The following NPTX1 variants were observed in gnomAD, a reference collection of about 807,000 sequenced individuals.
The protein encoded by NPTX1 is neuronal pentraxin-1.
Under a neutral mutation model 38.7 loss-of-function variants are expected in NPTX1, and 12 were observed. The observed-to-expected ratio is 0.31, with a 90% CI of 0.20 to 0.50. The LOEUF (loss-of-function observed/expected upper bound fraction) is 0.50. Ranked by LOEUF, NPTX1 falls within the 20% of genes least tolerant of loss-of-function variation. The probability of loss-of-function intolerance (pLI) is 0.98; values close to 1 mark genes in which losing one functional copy is unlikely to be tolerated. For synonymous variants in NPTX1, 272 were observed against 264.9 expected (o/e 1.03, Z -0.26); for missense variants, 454 against 592.2 (o/e 0.77, Z 2.42).
Position 80,475,623 on chromosome 17 carries a change from C to G in NPTX1, c.540G>C (p.Arg180=). ...IDELERQVLS[R]VNTLEEGKGG... ...CCTTGCCCTCCTCCAGGGTGTTCAC[C>G]CGGGACAGCACCTGCCTCTCCAGCT... is the stretch of plus-strand genomic sequence containing the variant. The change falls in exon 2 of 5, where the codon CGG becomes CGC. Residue 180 remains arginine (R), a synonymous_variant. Transcript: ENST00000306773. The surrounding 1 kb of genome is among the most constrained non-coding windows in gnomAD (Gnocchi z 6.5). The G allele has an allele frequency of 1.2e-6, 2 of 1,612,864 alleles. No individual in the cohort carries two copies. The highest frequency in any genetic ancestry group is 1.7e-6 in the Non-Finnish European group (2 of 1,179,836).
chr17:80,476,401 A>C lies in NPTX1; in HGVS notation c.46T>G (p.Cys16Gly). ...TCCTGGGCCCCGGCGCCCAGGAGGC[A>C]GAGGGCGAGCAGCGCACAGGTGCGC... ...AARTCALLAL[C>G]LLGAGAQDFG... The change falls in exon 1 of 5, where the codon TGC becomes GGC. Residue 16 changes from cysteine (C) to glycine (G), a missense_variant. Transcript: ENST00000306773. The surrounding 1 kb of genome is among the most constrained non-coding windows in gnomAD (Gnocchi z 6.3). 1 of 1,511,510 alleles carries C rather than the reference A, an allele frequency of 6.6e-7. No homozygotes were observed. The highest frequency in any genetic ancestry group is 8.8e-7 in the Non-Finnish European group (1 of 1,137,886). The allele number at this position is 1,511,510 out of a possible 1,614,324, so 93.6% of individuals were successfully genotyped here.
rs2083830738 is a variant in NPTX1 at position 80,470,100 on chromosome 17, G to C, written c.*713C>G. The C allele has an allele frequency of 6.6e-6, 1 of 152,258 alleles. No homozygotes were observed. The highest frequency in any genetic ancestry group is 1.5e-5 in the Non-Finnish European group (1 of 68,074). The allele number at this position is 152,258 out of a possible 1,614,324, so 9.4% of individuals were successfully genotyped here. A position where few individuals can be genotyped will look rare whatever the true frequency, so the allele number is the denominator to read the frequency against. ...CAGGGATGGATGCTGTCTGGCCCTG[G>C]GGTAAGGGCCAGTGTCCTCAGCCAT... On this transcript the variant is annotated 3_prime_UTR_variant, in exon 5 of 5. Coordinates refer to ENST00000306773, the MANE Select transcript of NPTX1 (RefSeq NM_002522.4).
Position 80,476,158 on chromosome 17 carries a change from G to T in NPTX1, c.289C>A (p.Pro97Thr), listed in dbSNP as rs780891833. Residue 97 changes from proline to threonine, a missense_variant, in exon 1 of 5, where the codon CCC becomes ACC. By Grantham distance (38) the Pro-to-Thr change is conservative (BLOSUM62 -1). Coordinates refer to ENST00000306773, the MANE Select transcript of NPTX1 (RefSeq NM_002522.4). This position sits in a 1 kb window ranked among gnomAD's most constrained non-coding sequence, Gnocchi z 6.3. Reference protein sequence around the residue: ...GRCESQSTLDPGAGEARAGGG... With the variant: ...GRCESQSTLDTGAGEARAGGG... ...CCCGCCCGGGCCTCGCCGGCTCCGG[G>T]GTCCAGCGTGCTCTGGCTCTCGCAG... The T allele has an allele frequency of 1.3e-6, 2 of 1,591,844 alleles. No individual in the cohort carries two copies. The highest frequency in any genetic ancestry group is 8.5e-7 in the Non-Finnish European group (1 of 1,174,360).
chr17:80,474,223 G>T, intron 2 of NPTX1: 1 of 152,468 alleles, frequency 6.6e-6, no homozygotes. Flanking sequence ...TTTCCACAAG[G>T]CCCACCTTCT....
chr17:80,473,562 T>C, intron 2 of NPTX1, 118 bp from the exon 3 acceptor site: 1 of 1,040,514 alleles, frequency 9.6e-7, no homozygotes, highest in Non-Finnish European at 1.4e-6. Context: ...CGGTCTCCAT[T>C]CTGGAGACGC....
Position 80,475,867 on chromosome 17 carries a change from G to T in NPTX1, c.444+136C>A. On this transcript the variant is annotated intron_variant, in intron 1 of 4. Coordinates refer to ENST00000306773, the MANE Select transcript of NPTX1 (RefSeq NM_002522.4). The surrounding 1 kb of genome is among the most constrained non-coding windows in gnomAD (Gnocchi z 6.5). Reference sequence around the variant, plus strand: ...GTGGCCGCCGCGGGGCCTCGCAGGCGCGGGGAGGCACCGGCCGGGCACCCG... The same window carrying T: ...GTGGCCGCCGCGGGGCCTCGCAGGCTCGGGGAGGCACCGGCCGGGCACCCG... 1 of 844,702 alleles carries T rather than the reference G, an allele frequency of 1.2e-6. No individual in the cohort carries two copies. Among genetic ancestry groups the T allele is most frequent in the Non-Finnish European group, 1.7e-6 (1 of 598,582 alleles). 52.3% of individuals were successfully genotyped at this position (844,702 alleles called of 1,614,324 possible). A position where few individuals can be genotyped will look rare whatever the true frequency, so the allele number is the denominator to read the frequency against.
Position 80,475,380 on chromosome 17 carries a change from T to C in NPTX1, c.652+131A>G. ...AGGGGTGCGGGGAATGAGAAAGCGG[T>C]GCAGGGGTTGGGGGTAGCGGAGCGG... On this transcript the variant is annotated intron_variant, in intron 2 of 4. Coordinates refer to ENST00000306773, the MANE Select transcript of NPTX1 (RefSeq NM_002522.4). The surrounding 1 kb of genome is among the most constrained non-coding windows in gnomAD (Gnocchi z 6.5). 3.0e-6 allele frequency: 2 copies of C among 666,910 alleles called. No individual in the cohort carries two copies. Among genetic ancestry groups the C allele is most frequent in the Non-Finnish European group, 2.5e-6 (1 of 397,448 alleles). The allele number at this position is 666,910 out of a possible 1,614,324, so 41.3% of individuals were successfully genotyped here. A position where few individuals can be genotyped will look rare whatever the true frequency, so the allele number is the denominator to read the frequency against.
intron 2 of NPTX1, chr17:80,473,707 G>A: frequency 6.0e-6 from 3 of 504,104 alleles, no homozygotes; most frequent in East Asian, 3.7e-5. Context: ...GGGGAGATGG[G>A]GGTGGGGGGC....
Position 80,471,933 on chromosome 17 carries a change from G to A in NPTX1, c.898-22C>T, listed in dbSNP as rs764371772. On this transcript the variant is annotated intron_variant, in intron 3 of 4. Transcript: ENST00000306773. ...CCACCTGGGAAGGAGAATGACAGAC[G>A]CCAGCTGGTGAGTACAGGGGTACAG... 9 of 1,596,458 alleles carry A rather than the reference G, an allele frequency of 5.6e-6. No individual in the cohort carries two copies. The East Asian group carries it at 6.8e-5, about 12-fold the overall frequency.
chr17:80,476,096 G>A lies in NPTX1; in HGVS notation c.351C>T (p.Thr117=), dbSNP rs912315949. The change falls in exon 1 of 5, where the codon ACC becomes ACT. Residue 117 remains threonine (T), a synonymous_variant. Coordinates refer to ENST00000306773, the MANE Select transcript of NPTX1 (RefSeq NM_002522.4). The surrounding 1 kb of genome is among the most constrained non-coding windows in gnomAD (Gnocchi z 6.3). ...GRKQPGSGKN[T]MGDLSRTPAA... is the part of the protein sequence containing the mutation. ...CCGGTGTCCGGGACAGGTCGCCCAT[G>A]GTGTTCTTGCCCGAGCCGGGCTGCT... 5 of 1,605,852 alleles carry A rather than the reference G, an allele frequency of 3.1e-6. No individual in the cohort carries two copies. Among genetic ancestry groups the A allele is most frequent in the Non-Finnish European group, 4.2e-6 (5 of 1,178,134 alleles).
rs1458834618 is a variant in NPTX1 at position 80,475,892 on chromosome 17, G to A, written c.444+111C>T. The A allele has an allele frequency of 2.1e-6, 2 of 960,314 alleles. No homozygotes were observed. Among genetic ancestry groups the A allele is most frequent in the African/African-American group, 3.5e-5 (2 of 57,286 alleles). 59.5% of individuals were successfully genotyped at this position (960,314 alleles called of 1,614,324 possible). On this transcript the variant is annotated intron_variant, in intron 1 of 4. Transcript: ENST00000306773. This position sits in a 1 kb window ranked among gnomAD's most constrained non-coding sequence, Gnocchi z 6.5. ...GCGGGGAGGCACCGGCCGGGCACCC[G>A]CGCGGCTGAGGCGAGGGCGGGGGAT...
At chr17:80,471,686 T>A (rs781547709) in intron 4 of NPTX1, 46 bp downstream of exon 4, 1 of 1,573,578 alleles carries the variant, frequency 6.4e-7, no homozygotes, top group Non-Finnish European at 8.6e-7. Context: ...TCCCAGCCTC[T>A]GGTTCTGAAG....
intron 3 of NPTX1, 47 bp downstream of exon 3, chr17:80,473,153 C>T (rs1166960949): frequency 2.5e-6 from 4 of 1,592,078 alleles, no homozygotes; most frequent in South Asian, 1.1e-5. Flanking sequence ...TGAGCTGGGG[C>T]CCTGGGGCCT....
chr17:80,476,546 T>A lies in NPTX1; in HGVS notation c.-100A>T, dbSNP rs1194279983. The stretch of plus-strand genomic sequence containing the variant: ...CTGTGGCTCCGCGAGCGGCCCGCGC[T>A]CTGGGCGCCGCGCTCTTCGGCCGCG... On this transcript the variant is annotated 5_prime_UTR_variant, in exon 1 of 5. Transcript: ENST00000306773. This position sits in a 1 kb window ranked among gnomAD's most constrained non-coding sequence, Gnocchi z 6.3. The A allele has an allele frequency of 3.4e-6, 2 of 589,424 alleles. No individual in the cohort carries two copies. The highest frequency in any genetic ancestry group is 4.3e-6 in the Non-Finnish European group (2 of 465,944). 36.5% of individuals were successfully genotyped at this position (589,424 alleles called of 1,614,324 possible).
In NPTX1 at chr17:80,469,215, A is replaced by G. The variant is rs568073856; in HGVS notation, c.*1598T>C. 6.6e-6 allele frequency: 1 copy of G among 152,646 alleles called. No homozygotes were observed. Among genetic ancestry groups the G allele is most frequent in the Non-Finnish European group, 1.5e-5 (1 of 68,032 alleles). 9.5% of individuals were successfully genotyped at this position (152,646 alleles called of 1,614,324 possible). On this transcript the variant is annotated 3_prime_UTR_variant, in exon 5 of 5. Coordinates refer to ENST00000306773, the MANE Select transcript of NPTX1 (RefSeq NM_002522.4). ...CAGCTGCAGCTGAGCCAGGCAGTGC[A>G]GTAGAATTTCTAGAAAGACTTGTCA...
intron 2 of NPTX1, chr17:80,474,094 C>A (rs568035664): frequency 1.3e-5 from 2 of 153,398 alleles, no homozygotes; most frequent in African/African-American, 4.8e-5. Flanking sequence ...GGCAGGGCAG[C>A]AAGGAGCTGG....
In NPTX1 at chr17:80,473,120, T is replaced by C. The variant is rs2083851744; in HGVS notation, c.897+80A>G. 12 of 1,483,858 alleles carry C rather than the reference T, an allele frequency of 8.1e-6. No individual in the cohort carries two copies. The South Asian group carries it at 1.4e-4, about 17-fold the overall frequency. 91.9% of individuals were successfully genotyped at this position (1,483,858 alleles called of 1,614,324 possible). A position where few individuals can be genotyped will look rare whatever the true frequency, so the allele number is the denominator to read the frequency against. ...GCCCCATCAACATCTGAGGCCACCATAGCCCTGTCTCCGCATGCAACATGA... is the reference window on the plus strand; with the variant it reads ...GCCCCATCAACATCTGAGGCCACCACAGCCCTGTCTCCGCATGCAACATGA... On this transcript the variant is annotated intron_variant, in intron 3 of 4. Coordinates refer to ENST00000306773, the MANE Select transcript of NPTX1 (RefSeq NM_002522.4).
chr17:80,471,681 G>C (rs1296196862), intron 4 of NPTX1, 51 bp downstream of exon 4: 12 of 1,567,722 alleles, frequency 7.7e-6, no homozygotes, highest in Non-Finnish European at 9.5e-6. Context: ...CCCCTTCCCA[G>C]CCTCTGGTTC....
At position 80,476,429 on chromosome 17, in the gene NPTX1, G is replaced by T; in HGVS notation, c.18C>A (p.Ala6=). MPAGR[A]ARTCALLALC... The stretch of plus-strand genomic sequence containing the variant: ...GGGCGAGCAGCGCACAGGTGCGCGC[G>T]GCGCGGCCGGCCGGCATGGCTGCGG... The change falls in exon 1 of 5, where the codon GCC becomes GCA. Residue 6 remains alanine (A), a synonymous_variant. Transcript: ENST00000306773. The surrounding 1 kb of genome is among the most constrained non-coding windows in gnomAD (Gnocchi z 6.3). 7.4e-7 allele frequency: 1 copy of T among 1,350,182 alleles called. No homozygotes were observed. Among genetic ancestry groups the T allele is most frequent in the Non-Finnish European group, 9.5e-7 (1 of 1,058,190 alleles). The allele number at this position is 1,350,182 out of a possible 1,614,324, so 83.6% of individuals were successfully genotyped here.
Sources: allele counts gnomAD v4.1 joint callset, GRCh38; gene constraint gnomAD v4.1.1; non-coding constraint Gnocchi (gnomAD v3.1); transcripts MANE v1.5; gene names NCBI Gene and HGNC (gene_info 2026-07-23, HGNC 2026-07-21).